Variants in GALNT6 observed in about 807,000 individuals in gnomAD.
GALNT6 encodes the protein polypeptide N-acetylgalactosaminyltransferase 6.
GALNT6 carries 51 observed loss-of-function variants against 65.9 expected under a neutral mutation model. The observed-to-expected ratio is 0.77, with a 90% CI of 0.62 to 0.98. The LOEUF (loss-of-function observed/expected upper bound fraction) is 0.98, where lower values mean the gene tolerates loss of function less well. GALNT6 is among the 50% of genes least tolerant of loss of function. The pLI is 0.00. For synonymous variants in GALNT6, 323 were observed against 315.1 expected (o/e 1.02, Z -0.26); for missense variants, 708 against 803.3 (o/e 0.88, Z 1.43).
chr12:51,379,382 C>A lies in GALNT6; in HGVS notation c.400G>T (p.Glu134Ter). Residue 134 changes from glutamate to a stop codon, truncating the protein, a stop_gained, in exon 3 of 12, where the codon GAA becomes TAA. Transcript: ENST00000356317. LOFTEE classifies it high-confidence loss of function. Reference protein sequence around the residue: ...KWTPLETQEKEEGYKKHCFNA... With the variant: ...KWTPLETQEK ...AAACAGTGCTTCTTATAGCCTTCTT[C>A]CTTTTCCTGGGTCTCCAGGGGGGTC... The A allele has an allele frequency of 1.3e-6, 2 of 1,587,578 alleles. No homozygotes were observed. The highest frequency in any genetic ancestry group is 1.7e-6 in the Non-Finnish European group (2 of 1,169,032).
chr12:51,375,684 A>C (rs527246340), intron 4 of GALNT6, among the ~76,000 whole-genome samples: 1 of 151,870 alleles, frequency 6.6e-6, no homozygotes, highest in East Asian at 1.9e-4. Context: ...CAGCCTCCCG[A>C]GTAGTTGGGA....
At chr12:51,385,431 G>A (rs1395905953) in intron 2 of GALNT6, among the ~76,000 whole-genome samples, 1 of 152,158 alleles carries the variant, frequency 6.6e-6, no homozygotes. Flanking sequence ...ATTTTCAAAT[G>A]ATAGTTTTTA....
At chr12:51,375,560 CTTT>C (rs57034265) in intron 4 of GALNT6, among the ~76,000 whole-genome samples, 3 of 142,608 alleles carry the variant, frequency 2.1e-5, no homozygotes, top group African/African-American at 2.6e-5. Context: ...CTCAACTGCT[CTTT>C]TTTTTTTTTT....
intron 5 of GALNT6, among the ~76,000 whole-genome samples, chr12:51,364,633 A>G (rs1011360717): frequency 6.6e-6 from 1 of 152,226 alleles, no homozygotes; most frequent in Non-Finnish European, 1.5e-5. Context: ...GAGGCCCTGG[A>G]TGGTATCTTC....
At chr12:51,367,240 A>G (rs1252935763) in intron 4 of GALNT6, among the ~76,000 whole-genome samples, 1 of 151,958 alleles carries the variant, frequency 6.6e-6, no homozygotes, top group Non-Finnish European at 1.5e-5. Context: ...CTGGGCAACA[A>G]GAGCGAAACT....
chr12:51,361,215 T>C (rs1946917418), intron 6 of GALNT6, among the ~76,000 whole-genome samples: 1 of 152,252 alleles, frequency 6.6e-6, no homozygotes, highest in African/African-American at 2.4e-5. Context: ...AGTTACTTTT[T>C]GGCAGCAAAG....
chr12:51,358,002 T>C, intron 9 of GALNT6, 128 bp downstream of exon 9: 1 of 914,696 alleles, frequency 1.1e-6, no homozygotes, highest in Non-Finnish European at 1.7e-6. Flanking sequence ...TCAGTCCTCC[T>C]CCTGGATAAA....
At chr12:51,367,953 A>T (rs1947163424) in intron 4 of GALNT6, among the ~76,000 whole-genome samples, 1 of 152,098 alleles carries the variant, frequency 6.6e-6, no homozygotes, top group Non-Finnish European at 1.5e-5. Flanking sequence ...CAGCAGCAGG[A>T]TCCTAGCCAG....
chr12:51,371,371 A>G (rs569929159), intron 4 of GALNT6, among the ~76,000 whole-genome samples: 20 of 152,212 alleles, frequency 1.3e-4, no homozygotes, highest in African/African-American at 4.6e-4. Context: ...GGCATGAGCC[A>G]TGGGCCCGGC....
At chr12:51,390,156 C>CTTTCTTTCTT (rs1413158644) in intron 2 of GALNT6, among the ~76,000 whole-genome samples, 3 of 116,292 alleles carry the variant, frequency 2.6e-5, no homozygotes, top group Non-Finnish European at 5.2e-5. Flanking sequence ...TTCTTTCTTT[C>CTTTCTTTCTT]TTTTTTTTTT....
At chr12:51,389,906 A>G (rs1947978723) in intron 2 of GALNT6, among the ~76,000 whole-genome samples, 1 of 152,120 alleles carries the variant, frequency 6.6e-6, no homozygotes, top group South Asian at 2.1e-4. Context: ...CACCCACTGT[A>G]GGACTGTGGG....
At chr12:51,354,556 CAATGCGATGGGGTGCAATTGACA>C (rs1230031907) in intron 11 of GALNT6, 64 bp from the exon 12 acceptor site, 1 of 963,826 alleles carries the variant, frequency 1.0e-6, no homozygotes, top group African/African-American at 1.7e-5. Flanking sequence ...CTACCAGGGA[CAATGCGATGGGGTGCAATTGACA>C]AAAGCCAAGG....
chr12:51,384,286 G>A (rs931354523), intron 2 of GALNT6, among the ~76,000 whole-genome samples: 4 of 152,228 alleles, frequency 2.6e-5, no homozygotes, highest in African/African-American at 7.2e-5. Context: ...ACTGGTGTAA[G>A]GAACTGAGGC....
chr12:51,371,215 C>A (rs915202106), intron 4 of GALNT6, among the ~76,000 whole-genome samples: 1 of 151,944 alleles, frequency 6.6e-6, no homozygotes, highest in Admixed American at 6.6e-5. Flanking sequence ...TCCTGAGTAG[C>A]TGGGATTACA....
rs563180148 is a variant in GALNT6, at chr12:51,377,361, C to T, written c.498G>A (p.Val166=). The T allele has an allele frequency of 1.9e-6, 3 of 1,612,358 alleles. No individual in the cohort carries two copies. The highest frequency in any genetic ancestry group is 2.5e-6 in the Non-Finnish European group (3 of 1,179,958). The change falls in exon 4 of 12, where the codon GTG becomes GTA. Residue 166 remains valine (V), a synonymous_variant. Coordinates refer to ENST00000356317, the MANE Select transcript of GALNT6 (RefSeq NM_007210.4). ...LGPDTRPPEC[V]DQKFRRCPPL... is the part of the protein sequence containing the mutation. Reference sequence around the variant, plus strand: ...GGGGGCAGCGCCGGAACTTCTGGTCCACACACCTGGAAGTATGAAAGTACG... The same window carrying T: ...GGGGGCAGCGCCGGAACTTCTGGTCTACACACCTGGAAGTATGAAAGTACG...
At chr12:51,365,930 G>A (rs1947087190) in intron 4 of GALNT6, among the ~76,000 whole-genome samples, 1 of 152,128 alleles carries the variant, frequency 6.6e-6, no homozygotes. Flanking sequence ...TTTTGTTGTT[G>A]TTGTTGAGAT....
intron 10 of GALNT6, 99 bp downstream of exon 10, chr12:51,357,250 G>T (rs1256924711): frequency 8.0e-6 from 6 of 750,012 alleles, no homozygotes; most frequent in South Asian, 6.2e-5. Context: ...GGCAGGGATG[G>T]TATCTCCTCC....
At chr12:51,361,890 C>T (rs1427690430) in intron 6 of GALNT6, among the ~76,000 whole-genome samples, 1 of 152,094 alleles carries the variant, frequency 6.6e-6, no homozygotes. Context: ...ACCCCAGAAC[C>T]TATCTAGGTG....
chr12:51,369,732 A>T (rs1947228104), intron 4 of GALNT6, among the ~76,000 whole-genome samples: 1 of 152,106 alleles, frequency 6.6e-6, no homozygotes, highest in Non-Finnish European at 1.5e-5. Context: ...ACGTCAGTAC[A>T]CGGTGCCAGC....
Sources: allele counts gnomAD v4.1 joint callset (sites outside exome capture counted in the v4.1 genomes callset), GRCh38; gene constraint gnomAD v4.1.1; transcripts MANE v1.5; gene names NCBI Gene and HGNC (gene_info 2026-07-23, HGNC 2026-07-21).